Variants in NTM observed in about 807,000 individuals in gnomAD.
NTM encodes IgLON family member 2.
In NTM, 13 loss-of-function variants were observed where a neutral mutation model predicts 42.1. The ratio of observed to expected loss-of-function variants is 0.31; its 90% CI spans 0.20 to 0.49. NTM has a LOEUF of 0.49. NTM is among the 20% of genes least tolerant of loss of function. NTM has a pLI of 0.99. For missense variants in NTM, 373 were observed against 452.8 expected (o/e 0.82, Z 1.60); for synonymous variants, 187 against 179.2 (o/e 1.04, Z -0.35).
intron 1 of NTM, among the ~76,000 whole-genome samples, chr11:131,424,600 C>CTTTTTTTTTTTTTTTATTTTTTTT (rs1947890914): frequency 1.8e-5 from 1 of 56,052 alleles, no homozygotes; most frequent in Non-Finnish European, 3.2e-5. Flanking sequence ...CTTTTCTTTT[C>CTTTTTTTTTTTTTTTATTTTTTTT]TTTTTTTTTT....
At chr11:131,851,532 CGTGTGTGTGTGTGTGTGTGTGTGT>C (rs71067340) in intron 1 of NTM, among the ~76,000 whole-genome samples, 2 of 146,702 alleles carry the variant, frequency 1.4e-5, no homozygotes, top group African/African-American at 5.1e-5. Context: ...GTGAGAATGG[CGTGTGTGTGTGTGTGTGTGTGTGT>C]GTGTGTGTGT....
chr11:131,759,254 T>C (rs1029256161), intron 1 of NTM, among the ~76,000 whole-genome samples: 3 of 152,182 alleles, frequency 2.0e-5, no homozygotes, highest in Non-Finnish European at 2.9e-5. Context: ...ATAAGACCTC[T>C]AAAGAACTGC....
At chr11:132,232,683 T>C (rs909255041) in intron 4 of NTM, among the ~76,000 whole-genome samples, 1 of 152,150 alleles carries the variant, frequency 6.6e-6, no homozygotes, top group Non-Finnish European at 1.5e-5. Flanking sequence ...ACATTGGAGG[T>C]GCTTTGTAAA....
chr11:131,561,323 C>T (rs985924033), intron 1 of NTM, among the ~76,000 whole-genome samples: 12 of 152,200 alleles, frequency 7.9e-5, no homozygotes, highest in African/African-American at 2.9e-4. Flanking sequence ...CAGGCTTGTG[C>T]CTAACAGCTT....
chr11:132,082,350 C>T (rs1344122067), intron 2 of NTM, among the ~76,000 whole-genome samples: 2 of 152,100 alleles, frequency 1.3e-5, no homozygotes, highest in African/African-American at 4.8e-5. Context: ...AAATTGAATA[C>T]CAAGCCACCA....
At chr11:131,426,272 G>A (rs1187394792) in intron 1 of NTM, among the ~76,000 whole-genome samples, 1 of 152,124 alleles carries the variant, frequency 6.6e-6, no homozygotes, top group Non-Finnish European at 1.5e-5. Context: ...ACATTTCTTT[G>A]TGGACCCCTT....
At chr11:131,962,318 T>A (rs1179618619) in intron 2 of NTM, among the ~76,000 whole-genome samples, 1 of 152,230 alleles carries the variant, frequency 6.6e-6, no homozygotes, top group East Asian at 1.9e-4. Context: ...ACATTTCTAA[T>A]GTTATGGACT....
intron 1 of NTM, among the ~76,000 whole-genome samples, chr11:131,758,870 G>A (rs1035392075): frequency 3.3e-5 from 5 of 151,994 alleles, no homozygotes; most frequent in African/African-American, 7.3e-5. Flanking sequence ...AGGATTACAG[G>A]CATGACCCAC....
At chr11:131,832,944 C>T (rs2043008793) in intron 1 of NTM, among the ~76,000 whole-genome samples, 6 of 152,134 alleles carry the variant, frequency 3.9e-5, no homozygotes, top group Admixed American at 3.9e-4. Flanking sequence ...GAGATTTCTC[C>T]TTTACTAATT....
intron 1 of NTM, among the ~76,000 whole-genome samples, chr11:131,850,501 C>T (rs778953246): frequency 2.0e-5 from 3 of 152,126 alleles, no homozygotes; most frequent in East Asian, 1.9e-4. Flanking sequence ...GGGAGGCTTT[C>T]GGGAGACTGG....
chr11:131,795,017 C>T, intron 1 of NTM: 1 of 984,648 alleles, frequency 1.0e-6, no homozygotes, highest in Non-Finnish European at 1.2e-6. Flanking sequence ...CAGCCGTGCT[C>T]CTTCCTGGAC....
chr11:131,698,168 C>T (rs2075678910), intron 1 of NTM, among the ~76,000 whole-genome samples: 1 of 152,100 alleles, frequency 6.6e-6, no homozygotes, highest in Non-Finnish European at 1.5e-5. Flanking sequence ...TCTAAGGTTC[C>T]AACCTTATGG....
In NTM at chr11:131,598,785, C is replaced by T. The variant is rs867802339; in HGVS notation, c.82+227897C>T. 5.6e-3 allele frequency among the ~76,000 whole-genome samples: 261 copies of T among 46,934 alleles called. 26 individuals carry two copies. The highest frequency in any genetic ancestry group is 0.01 in the African/African-American group (126 of 12,396). 30.8% of individuals were successfully genotyped at this position (46,934 alleles called of 152,430 possible). On this transcript the variant is annotated intron_variant, in intron 1 of 8. Transcript: ENST00000683400. The stretch of plus-strand genomic sequence containing the variant: ...TTCTTTTTTTCTTTCTTTCTTTCTT[C>T]TTTCTTTCTTTCTTTTTCTTTCTTT...
intron 1 of NTM, among the ~76,000 whole-genome samples, chr11:131,549,394 A>T (rs1434313670): frequency 6.6e-6 from 1 of 152,156 alleles, no homozygotes; most frequent in Non-Finnish European, 1.5e-5. Flanking sequence ...TTTTGAATTA[A>T]ATTTTTTTAA....
intron 4 of NTM, among the ~76,000 whole-genome samples, chr11:132,244,397 G>A (rs1296140411): frequency 6.6e-6 from 1 of 152,208 alleles, no homozygotes; most frequent in East Asian, 1.9e-4. Context: ...TGATAAAGTT[G>A]AGACAGCACT....
At chr11:132,030,009 C>CT (rs2075713839) in intron 2 of NTM, among the ~76,000 whole-genome samples, 1 of 152,072 alleles carries the variant, frequency 6.6e-6, no homozygotes, top group Non-Finnish European at 1.5e-5. Context: ...TGATAGAGTT[C>CT]TTTTTCTAAA....
intron 1 of NTM, among the ~76,000 whole-genome samples, chr11:131,761,994 A>G (rs2084289365): frequency 6.6e-6 from 1 of 152,200 alleles, no homozygotes; most frequent in African/African-American, 2.4e-5. Flanking sequence ...GAGCCCAGCC[A>G]TGCTGGCATG....
chr11:131,566,594 C>G (rs949153827), intron 1 of NTM, among the ~76,000 whole-genome samples: 1 of 152,206 alleles, frequency 6.6e-6, no homozygotes, highest in African/African-American at 2.4e-5. Flanking sequence ...AATTGAGCCA[C>G]CCGTGCCAAC....
chr11:132,261,492 C>T (rs921983107), intron 4 of NTM, among the ~76,000 whole-genome samples: 1 of 152,178 alleles, frequency 6.6e-6, no homozygotes, highest in South Asian at 2.1e-4. Context: ...GTAGGGCATG[C>T]ACTGGGAAGA....
Sources: gnomAD v4.1 joint callset for allele counts (sites outside exome capture counted in the v4.1 genomes callset) on GRCh38, gnomAD v4.1.1 for gene constraint, MANE v1.5 for transcripts, NCBI Gene and HGNC (gene_info 2026-07-23, HGNC 2026-07-21) for gene names.